PTPRZ1: variants seen among roughly 807,000 people sequenced by gnomAD.
PTPRZ1 encodes the protein receptor-type tyrosine-protein phosphatase zeta.
A neutral mutation model predicts 214.1 loss-of-function variants in PTPRZ1; 82 were observed. The ratio of observed to expected loss-of-function variants is 0.38; its 90% CI spans 0.32 to 0.46. The LOEUF is 0.46. Among genes scored for constraint, PTPRZ1 ranks in the 20% least tolerant of loss-of-function variants. The pLI, the probability that PTPRZ1 is intolerant of heterozygous loss-of-function variation, is 1.00. For missense variants in PTPRZ1, 2,603 were observed against 2,748.7 expected (o/e 0.95, Z 1.19); for synonymous variants, 945 against 987.9 (o/e 0.96, Z 0.81).
intron 8 of PTPRZ1, among the ~76,000 whole-genome samples, chr7:121,994,464 T>G (rs1424463172): frequency 6.6e-6 from 1 of 151,910 alleles, no homozygotes; most frequent in Non-Finnish European, 1.5e-5. Context: ...CTGGCTAATT[T>G]TTTGTATTTT....
chr7:121,958,604 G>A (rs1796781714), intron 2 of PTPRZ1, among the ~76,000 whole-genome samples: 1 of 152,078 alleles, frequency 6.6e-6, no homozygotes, highest in Non-Finnish European at 1.5e-5. Flanking sequence ...CATATTTTTT[G>A]TTGTTTAATG....
intron 1 of PTPRZ1, among the ~76,000 whole-genome samples, chr7:121,880,544 G>A (rs369083561): frequency 6.6e-6 from 1 of 152,072 alleles, no homozygotes; most frequent in Admixed American, 6.6e-5. Context: ...CTAAGGATGG[G>A]TCTCACTATG....
chr7:122,002,588 C>G (rs1798363912), intron 10 of PTPRZ1, among the ~76,000 whole-genome samples: 1 of 152,176 alleles, frequency 6.6e-6, no homozygotes, highest in East Asian at 1.9e-4. Flanking sequence ...GCAATACACA[C>G]TAAAAATATT....
At position 121,884,403 on chromosome 7, in the gene PTPRZ1, A is replaced by AT. The variant is rs1430229349; in HGVS notation, c.58+10854dup. 4.3e-4 allele frequency among the ~76,000 whole-genome samples: 66 copies of AT among 152,074 alleles called. 1 individual carries two copies. Among genetic ancestry groups the AT allele is most frequent in the Admixed American group, 4.3e-3 (65 of 15,266 alleles). ...GCACGTGTATATTTCATATATATGC[A>AT]TTTTTTTTCCTGCTGCTAAAAACTG... On this transcript the variant is annotated intron_variant, in intron 1 of 29. Transcript: ENST00000393386.
At chr7:121,931,935 G>A (rs1020397745) in intron 2 of PTPRZ1, among the ~76,000 whole-genome samples, 1 of 152,098 alleles carries the variant, frequency 6.6e-6, no homozygotes, top group African/African-American at 2.4e-5. Context: ...TTGTAGGGGG[G>A]TGGGGTGGCA....
chr7:121,941,749 G>A (rs1796244509), intron 2 of PTPRZ1, among the ~76,000 whole-genome samples: 1 of 152,104 alleles, frequency 6.6e-6, no homozygotes, highest in Non-Finnish European at 1.5e-5. Context: ...AGGGGCCTGT[G>A]TCTGGGCCTA....
Position 121,873,464 on chromosome 7 carries a change from G to C in PTPRZ1, c.-36G>C. 1 of 1,611,262 alleles carries C rather than the reference G, an allele frequency of 6.2e-7. No homozygotes were observed. The highest frequency in any genetic ancestry group is 8.5e-7 in the Non-Finnish European group (1 of 1,178,618). On this transcript the variant is annotated 5_prime_UTR_variant, in exon 1 of 30. Coordinates refer to ENST00000393386, the MANE Select transcript of PTPRZ1 (RefSeq NM_002851.3). Reference sequence around the variant, plus strand: ...CTCCCTCTCCACTCTGAGAAGCAGAGGAGCCGCACGGCGAGGGGCCGCAGA... The same window carrying C: ...CTCCCTCTCCACTCTGAGAAGCAGACGAGCCGCACGGCGAGGGGCCGCAGA...
chr7:121,996,421 A>C lies in PTPRZ1; in HGVS notation c.968A>C (p.Glu323Ala), dbSNP rs1798136839. 6.2e-7 allele frequency: 1 copy of C among 1,610,278 alleles called. No individual in the cohort carries two copies. Among genetic ancestry groups the C allele is most frequent in the Non-Finnish European group, 8.5e-7 (1 of 1,177,914 alleles). ...CCAGAAAATGTTCAGGCTGACCCAG[A>C]GAATTATACCAGCCTTCTTGTTACA... ...SEPENVQADP[E>A]NYTSLLVTWE... The change falls in exon 9 of 30, where the codon GAG (glutamate) becomes GCG (alanine). Residue 323 changes from glutamate to alanine, a missense_variant. By Grantham distance (107) the Glu-to-Ala change is moderately radical. Transcript: ENST00000393386.
chr7:121,972,463 T>C, intron 3 of PTPRZ1, 78 bp from the exon 4 acceptor site: 1 of 1,369,210 alleles, frequency 7.3e-7, no homozygotes, highest in East Asian at 2.4e-5. Flanking sequence ...TTAATGTACC[T>C]TAAGTAGATG....
chr7:121,887,860 C>A (rs903800623), intron 1 of PTPRZ1, among the ~76,000 whole-genome samples: 22 of 152,056 alleles, frequency 1.4e-4, no homozygotes, highest in African/African-American at 5.1e-4. Context: ...TCGCTAACAC[C>A]TCTTCATCCC....
rs773885417 is a variant in PTPRZ1, at chr7:121,976,199, C to A, written c.483C>A (p.Asp161Glu). The change falls in exon 5 of 30, where the codon GAC (aspartate) becomes GAA (glutamate). Residue 161 changes from aspartate (D) to glutamate (E), a missense_variant. By Grantham distance (45) the Asp-to-Glu change is conservative. Transcript: ENST00000393386. Reference protein sequence around the residue: ...LEMQIYCFDADRFSSFEEAVK... With the variant: ...LEMQIYCFDAERFSSFEEAVK... ...TGCAAATCTACTGCTTTGATGCGGA[C>A]CGATTTTCAAGTTTTGAGGAAGCAG... The A allele has an allele frequency of 6.2e-7, 1 of 1,608,138 alleles. No individual in the cohort carries two copies. The highest frequency in any genetic ancestry group is 2.2e-5 in the East Asian group (1 of 44,734).
chr7:121,993,288 A>G (rs1432440150), intron 8 of PTPRZ1, among the ~76,000 whole-genome samples: 1 of 152,068 alleles, frequency 6.6e-6, no homozygotes, highest in East Asian at 1.9e-4. Context: ...GCGGTGACTC[A>G]TGCCTGTAAT....
intron 1 of PTPRZ1, among the ~76,000 whole-genome samples, chr7:121,889,277 A>G (rs1025044811): frequency 1.3e-5 from 2 of 152,100 alleles, no homozygotes; most frequent in Non-Finnish European, 1.5e-5. Flanking sequence ...TTGGCTTCTG[A>G]AGTTTTTGAT....
intron 1 of PTPRZ1, among the ~76,000 whole-genome samples, chr7:121,897,264 C>G (rs542066379): frequency 6.6e-6 from 1 of 152,288 alleles, no homozygotes; most frequent in East Asian, 1.9e-4. Context: ...CTTTTAACCT[C>G]ATACCCTTCA....
chr7:121,966,659 C>A (rs1797055003), intron 2 of PTPRZ1, among the ~76,000 whole-genome samples: 1 of 152,108 alleles, frequency 6.6e-6, no homozygotes, highest in African/African-American at 2.4e-5. Context: ...AGATGTATTA[C>A]CAGATTTTCC....
intron 2 of PTPRZ1, among the ~76,000 whole-genome samples, chr7:121,931,975 G>A (rs534559251): frequency 1.3e-5 from 2 of 152,196 alleles, no homozygotes; most frequent in South Asian, 2.1e-4. Context: ...CCAGAGTCAG[G>A]GTGAGGATGG....
intron 25 of PTPRZ1, 133 bp downstream of exon 25, chr7:122,052,072 A>T: frequency 3.2e-6 from 2 of 632,966 alleles, no homozygotes; most frequent in Non-Finnish European, 5.3e-6. Flanking sequence ...GTTGACTGCA[A>T]GCCCACAGTC....
intron 2 of PTPRZ1, among the ~76,000 whole-genome samples, chr7:121,965,399 T>C (rs148508123): frequency 2.1e-3 from 314 of 152,304 alleles, no homozygotes; most frequent in African/African-American, 7.0e-3. Flanking sequence ...TGGGTGTTTT[T>C]TGTTTTTTGT....
intron 1 of PTPRZ1, among the ~76,000 whole-genome samples, chr7:121,908,110 G>A (rs1795169544): frequency 6.6e-6 from 1 of 152,086 alleles, no homozygotes; most frequent in South Asian, 2.1e-4. Flanking sequence ...TAAATATAGA[G>A]GAAGAGGATA....
Sources: allele counts gnomAD v4.1 joint callset (sites outside exome capture counted in the v4.1 genomes callset), GRCh38; gene constraint gnomAD v4.1.1; transcripts MANE v1.5; gene names NCBI Gene and HGNC (gene_info 2026-07-23, HGNC 2026-07-21).